Variants in GPRC5A observed in about 807,000 individuals in gnomAD.
GPRC5A encodes the protein retinoic acid-induced protein 3.
GPRC5A carries 19 observed loss-of-function variants against 22.5 expected under a neutral mutation model. The ratio of observed to expected loss-of-function variants is 0.85; its 90% CI spans 0.59 to 1.24. GPRC5A has a LOEUF of 1.24. Among genes scored for constraint, GPRC5A ranks in the 50% most tolerant of loss-of-function variants. The pLI is 0.00. For missense variants in GPRC5A, 471 were observed against 451.1 expected (o/e 1.04, Z -0.40); for synonymous variants, 192 against 184.5 (o/e 1.04, Z -0.33).
chr12:12,914,549 C>CTTTCTTTCTTTCTTTCT lies in GPRC5A; in HGVS notation c.*2012_*2013insTCTTTCTTTCTTTCTTT, dbSNP rs371632945. On this transcript the variant is annotated 3_prime_UTR_variant, in exon 4 of 4. Transcript: ENST00000014914. ...CTCTCTTTCCTTCCTTCCTTCCTTT[C>CTTTCTTTCTTTCTTTCT]TTCTTTCTTTCTTTCTTTCTTTCTT... is the stretch of plus-strand genomic sequence containing the variant. The CTTTCTTTCTTTCTTTCT allele has an allele frequency of 9.9e-5, 5 of 50,566 alleles. No homozygotes were observed. Among genetic ancestry groups the CTTTCTTTCTTTCTTTCT allele is most frequent in the East Asian group, 4.7e-4 (1 of 2,116 alleles). 3.1% of individuals were successfully genotyped at this position (50,566 alleles called of 1,614,324 possible). A position where few individuals can be genotyped will look rare whatever the true frequency, so the allele number is the denominator to read the frequency against.
Position 12,915,414 on chromosome 12 carries a change from A to C in GPRC5A, c.*2875A>C, listed in dbSNP as rs1864053491. ...AGGTGGGGGTCTTGCTCTGTTGCCCAGGCTGGTCTTGAACTCGAGATTCTC... is the reference window on the plus strand; with the variant it reads ...AGGTGGGGGTCTTGCTCTGTTGCCCCGGCTGGTCTTGAACTCGAGATTCTC... On this transcript the variant is annotated 3_prime_UTR_variant, in exon 4 of 4. Transcript: ENST00000014914. 6.6e-6 allele frequency: 1 copy of C among 152,512 alleles called. No individual in the cohort carries two copies. The highest frequency in any genetic ancestry group is 1.5e-5 in the Non-Finnish European group (1 of 68,302). The allele number at this position is 152,512 out of a possible 1,614,324, so 9.4% of individuals were successfully genotyped here.
At chr12:12,895,821 C>CAAAAAATAA (rs1863816950) in intron 1 of GPRC5A, among the ~76,000 whole-genome samples, 1 of 75,648 alleles carries the variant, frequency 1.3e-5, no homozygotes, top group Non-Finnish European at 2.3e-5. Context: ...ACTAAAAATA[C>CAAAAAATAA]AAAAAAAAAA....
rs776056345 is a variant in GPRC5A, at chr12:12,908,977, C to A, written c.728C>A (p.Thr243Asn). The A allele has an allele frequency of 8.1e-6, 13 of 1,614,132 alleles. No individual in the cohort carries two copies. Among genetic ancestry groups the A allele is most frequent in the Non-Finnish European group, 1.1e-5 (13 of 1,179,996 alleles). ...LPDFDRRWDD[T>N]ILSSALAANG... ...GACTTTGACCGCAGGTGGGATGACACCATCCTCAGCTCCGCCTTGGCTGCC... is the reference window on the plus strand; with the variant it reads ...GACTTTGACCGCAGGTGGGATGACAACATCCTCAGCTCCGCCTTGGCTGCC... The change falls in exon 2 of 4, where the codon ACC becomes AAC. Residue 243 changes from threonine to asparagine, a missense_variant. By Grantham distance (65) the Thr-to-Asn change is moderately conservative. Transcript: ENST00000014914.
intron 1 of GPRC5A, among the ~76,000 whole-genome samples, chr12:12,893,471 A>G (rs1379776788): frequency 6.6e-6 from 1 of 152,136 alleles, no homozygotes; most frequent in African/African-American, 2.4e-5. Flanking sequence ...TGCTTGAGGA[A>G]TCTTTGACTT....
In GPRC5A at chr12:12,914,569, T is replaced by TTTCTTTCTTTCTTTCC; in HGVS notation, c.*2045_*2046insCTTCTTTCTTTCTTTC. ...CCTTTCTTCTTTCTTTCTTTCTTTCTTTCTTTCTTTCTTTCTTTCTTTCTT... is the reference window on the plus strand; with the variant it reads ...CCTTTCTTCTTTCTTTCTTTCTTTCTTTCTTTCTTTCTTTCCTTCTTTCTTTCTTTCTTTCTTTCTT... On this transcript the variant is annotated 3_prime_UTR_variant, in exon 4 of 4. Coordinates refer to ENST00000014914, the MANE Select transcript of GPRC5A (RefSeq NM_003979.4). 1.3e-5 allele frequency: 1 copy of TTTCTTTCTTTCTTTCC among 76,458 alleles called. No individual in the cohort carries two copies. Among genetic ancestry groups the TTTCTTTCTTTCTTTCC allele is most frequent in the Non-Finnish European group, 2.3e-5 (1 of 42,736 alleles). The allele number at this position is 76,458 out of a possible 1,614,324, so 4.7% of individuals were successfully genotyped here. A position where few individuals can be genotyped will look rare whatever the true frequency, so the allele number is the denominator to read the frequency against.
intron 1 of GPRC5A, among the ~76,000 whole-genome samples, chr12:12,900,868 C>A (rs148030326): frequency 0.027 from 1,222 of 45,956 alleles, 20 homozygotes; most frequent in African/African-American, 0.084. Flanking sequence ...CCAGCCTGGG[C>A]AACAAGAGTA....
intron 3 of GPRC5A, 64 bp downstream of exon 3, chr12:12,912,206 G>GTAACATCGTCTGTTTCC: frequency 8.5e-7 from 1 of 1,176,672 alleles, no homozygotes; most frequent in Non-Finnish European, 1.3e-6. Flanking sequence ...TGATCCTTTG[G>GTAACATCGTCTGTTTCC]AAACAGACGA....
chr12:12,908,279 C>G lies in GPRC5A; in HGVS notation c.30C>G (p.Arg10=). Reference sequence around the variant, plus strand: ...CTACAACAGTCCCTGATGGTTGCCGCAATGGCCTGAAATCCAAGTACTACA... The same window carrying G: ...CTACAACAGTCCCTGATGGTTGCCGGAATGGCCTGAAATCCAAGTACTACA... The part of the protein sequence containing the change: MATTVPDGC[R]NGLKSKYYRL... The change falls in exon 2 of 4, where the codon CGC becomes CGG. Residue 10 remains arginine, a synonymous_variant. Coordinates refer to ENST00000014914, the MANE Select transcript of GPRC5A (RefSeq NM_003979.4). The G allele has an allele frequency of 6.2e-7, 1 of 1,601,512 alleles. No homozygotes were observed. Among genetic ancestry groups the G allele is most frequent in the South Asian group, 1.1e-5 (1 of 88,336 alleles).
At chr12:12,895,672 G>T (rs143252592) in intron 1 of GPRC5A, among the ~76,000 whole-genome samples, 217 of 151,512 alleles carry the variant, frequency 1.4e-3, no homozygotes, top group African/African-American at 5.2e-3. Flanking sequence ...ATCTTTGAGA[G>T]CCTTAAGATA....
chr12:12,895,821 C>CAAAAAAA (rs34696528), intron 1 of GPRC5A, among the ~76,000 whole-genome samples: 11 of 75,626 alleles, frequency 1.5e-4, no homozygotes, highest in Non-Finnish European at 1.8e-4. Flanking sequence ...ACTAAAAATA[C>CAAAAAAA]AAAAAAAAAA....
In GPRC5A at chr12:12,908,887, T is replaced by C; in HGVS notation, c.638T>C (p.Ile213Thr). 1 of 1,614,172 alleles carries C rather than the reference T, an allele frequency of 6.2e-7. No individual in the cohort carries two copies. Among genetic ancestry groups the C allele is most frequent in the Non-Finnish European group, 8.5e-7 (1 of 1,180,024 alleles). The change falls in exon 2 of 4, where the codon ATC becomes ACC. Residue 213 changes from isoleucine (I) to threonine (T), a missense_variant. By Grantham distance (89) the Ile-to-Thr change is moderately conservative. Transcript: ENST00000014914. ...FTGWKRHGAH[I>T]YLTMLLSIAI... ...GGCTGGAAGAGACATGGGGCCCACATCTACCTCACGATGCTCCTCTCCATT... is the reference window on the plus strand; with the variant it reads ...GGCTGGAAGAGACATGGGGCCCACACCTACCTCACGATGCTCCTCTCCATT...
chr12:12,914,500 G>A lies in GPRC5A; in HGVS notation c.*1961G>A, dbSNP rs1188128010. On this transcript the variant is annotated 3_prime_UTR_variant, in exon 4 of 4. Transcript: ENST00000014914. ...ATCATAGGCTAGGGACTCAAGAAAT[G>A]CATATTCCCCCCCCACTTTCTTTCT... The A allele has an allele frequency of 6.6e-6, 1 of 151,804 alleles. No individual in the cohort carries two copies. Among genetic ancestry groups the A allele is most frequent in the African/African-American group, 2.4e-5 (1 of 41,344 alleles). 9.4% of individuals were successfully genotyped at this position (151,804 alleles called of 1,614,324 possible).
rs750350298 is a variant in GPRC5A, at chr12:12,909,070, C to G, written c.821C>G (p.Pro274Arg). 2.5e-5 allele frequency: 40 copies of G among 1,607,688 alleles called. No individual in the cohort carries two copies. Among genetic ancestry groups the G allele is most frequent in the Non-Finnish European group, 3.4e-5 (40 of 1,179,890 alleles). ...EFWLLTKQRN[P>R]MDYPVEDAFC... The stretch of plus-strand genomic sequence containing the variant: ...TGGCTGCTCACAAAGCAACGAAACC[C>G]CATGGATTATCCTGTTGAGGATGCT... The change falls in exon 2 of 4, where the codon CCC becomes CGC. Residue 274 changes from proline to arginine, a missense_variant. Transcript: ENST00000014914.
chr12:12,904,845 A>G (rs1030195442), intron 1 of GPRC5A, among the ~76,000 whole-genome samples: 2 of 151,352 alleles, frequency 1.3e-5, no homozygotes, highest in Non-Finnish European at 2.9e-5. Flanking sequence ...TAATTTTGGT[A>G]AGATGACTAT....
In GPRC5A at chr12:12,907,502, C is replaced by T. The variant is rs147675087; in HGVS notation, c.-7-741C>T. Among the ~76,000 whole-genome samples, 33 of 152,018 alleles carry T rather than the reference C, an allele frequency of 2.2e-4. No homozygotes were observed. In the East Asian group the frequency reaches 6.4e-3, roughly 29 times the overall value. On this transcript the variant is annotated intron_variant, in intron 1 of 3. Coordinates refer to ENST00000014914, the MANE Select transcript of GPRC5A (RefSeq NM_003979.4). ...TTACAAATGATAACTGTATCAGGGCCAAAGGTAGAGGCTGCAACGTTATGA... is the reference window on the plus strand; with the variant it reads ...TTACAAATGATAACTGTATCAGGGCTAAAGGTAGAGGCTGCAACGTTATGA...
At chr12:12,901,278 C>T (rs902404151) in intron 1 of GPRC5A, among the ~76,000 whole-genome samples, 2 of 152,142 alleles carry the variant, frequency 1.3e-5, no homozygotes, top group Admixed American at 1.3e-4. Flanking sequence ...CCTCAGGATT[C>T]ATGCTTTCCT....
chr12:12,907,697 T>TC (rs1863957204), intron 1 of GPRC5A, among the ~76,000 whole-genome samples: 1 of 152,150 alleles, frequency 6.6e-6, no homozygotes, highest in South Asian at 2.1e-4. Context: ...AGTGACGTGA[T>TC]CATAGCTCAC....
At position 12,914,594 on chromosome 12, in the gene GPRC5A, T is replaced by TTCTTTCTTTCTTTATCTCTC. The variant is rs59721062; in HGVS notation, c.*2058_*2059insTTCTTTCTTTATCTCTCTCT. On this transcript the variant is annotated 3_prime_UTR_variant, in exon 4 of 4. Coordinates refer to ENST00000014914, the MANE Select transcript of GPRC5A (RefSeq NM_003979.4). The stretch of plus-strand genomic sequence containing the variant: ...TTTCTTTCTTTCTTTCTTTCTTTCT[T>TTCTTTCTTTCTTTATCTCTC]TCTCTCTCTCTCTCTCTCTCTCTTT... 1 of 81,544 alleles carries TTCTTTCTTTCTTTATCTCTC rather than the reference T, an allele frequency of 1.2e-5. No homozygotes were observed. The highest frequency in any genetic ancestry group is 2.2e-5 in the Non-Finnish European group (1 of 45,296). The allele number at this position is 81,544 out of a possible 1,614,324, so 5.1% of individuals were successfully genotyped here.
At chr12:12,907,088 TAAG>T (rs1024488881) in intron 1 of GPRC5A, among the ~76,000 whole-genome samples, 3 of 148,758 alleles carry the variant, frequency 2.0e-5, no homozygotes, top group African/African-American at 7.4e-5. Context: ...AAACAAATCT[TAAG>T]GAGGAGGGGC....
Sources: gnomAD v4.1 joint callset for allele counts (sites outside exome capture counted in the v4.1 genomes callset) on GRCh38, gnomAD v4.1.1 for gene constraint, MANE v1.5 for transcripts, NCBI Gene and HGNC (gene_info 2026-07-23, HGNC 2026-07-21) for gene names.